Variants in ZDHHC17 observed in about 807,000 individuals in gnomAD.
The protein encoded by ZDHHC17 is palmitoyltransferase ZDHHC17.
A neutral mutation model predicts 90.3 loss-of-function variants in ZDHHC17; 40 were observed. That is an observed-to-expected ratio of 0.44 (90% confidence interval 0.34 to 0.58). The LOEUF (loss-of-function observed/expected upper bound fraction) is 0.58, where lower values mean the gene tolerates loss of function less well. Among genes scored for constraint, ZDHHC17 ranks in the 20% least tolerant of loss-of-function variants. The pLI, the probability that ZDHHC17 is intolerant of heterozygous loss-of-function variation, is 0.01. For synonymous variants in ZDHHC17, 235 were observed against 252.4 expected (o/e 0.93, Z 0.65); for missense variants, 614 against 780.8 (o/e 0.79, Z 2.55).
At chr12:76,839,549 A>G (rs1953406986) in intron 10 of ZDHHC17, among the ~76,000 whole-genome samples, 1 of 152,226 alleles carries the variant, frequency 6.6e-6, no homozygotes, top group Admixed American at 6.5e-5. Context: ...GTTTAAAAAT[A>G]AAATGAGAGC....
Position 76,809,752 on chromosome 12 carries a change from T to C in ZDHHC17, c.438T>C (p.Tyr146=), listed in dbSNP as rs376206630. ...HLSMVVQLMK[Y]GADPSLIDGE... The stretch of plus-strand genomic sequence containing the variant: ...CCATGGTTGTGCAACTAATGAAATA[T>C]GGTGCAGATCCTTCATTAATTGATG... The change falls in exon 5 of 17, where the codon TAT becomes TAC. Residue 146 remains tyrosine (Y), a synonymous_variant. Transcript: ENST00000426126. 109 of 1,587,008 alleles carry C rather than the reference T, an allele frequency of 6.9e-5. No homozygotes were observed. Among genetic ancestry groups the C allele is most frequent in the Non-Finnish European group, 9.0e-5 (105 of 1,168,636 alleles).
chr12:76,803,710 G>A (rs1038107221), intron 2 of ZDHHC17, among the ~76,000 whole-genome samples: 2 of 152,096 alleles, frequency 1.3e-5, no homozygotes, highest in Non-Finnish European at 2.9e-5. Context: ...TTTTAATCCC[G>A]TTATATATAT....
intron 7 of ZDHHC17, among the ~76,000 whole-genome samples, chr12:76,817,541 G>T (rs1430881927): frequency 6.6e-6 from 1 of 152,058 alleles, no homozygotes; most frequent in Admixed American, 6.5e-5. Context: ...ACAGTAAGAT[G>T]ACTACACAGT....
intron 3 of ZDHHC17, among the ~76,000 whole-genome samples, chr12:76,808,183 G>A (rs1177915820): frequency 8.5e-5 from 13 of 152,142 alleles, no homozygotes; most frequent in Non-Finnish European, 1.5e-5. Context: ...TACTGATCTA[G>A]AGCAGTAATC....
intron 7 of ZDHHC17, among the ~76,000 whole-genome samples, 163 bp from the exon 8 acceptor site, chr12:76,822,243 G>A (rs369175619): frequency 3.9e-5 from 6 of 152,116 alleles, no homozygotes; most frequent in Non-Finnish European, 7.4e-5. Flanking sequence ...TTGGGAAAGC[G>A]TAATAAGAAA....
At position 76,823,356 on chromosome 12, in the gene ZDHHC17, A is replaced by G. The variant is rs574226938; in HGVS notation, c.897+825A>G. 1.3e-3 allele frequency among the ~76,000 whole-genome samples: 205 copies of G among 152,174 alleles called. 3 individuals carry two copies. The highest frequency in any genetic ancestry group is 2.7e-3 in the Non-Finnish European group (182 of 68,028). On this transcript the variant is annotated intron_variant, in intron 8 of 16. Coordinates refer to ENST00000426126, the MANE Select transcript of ZDHHC17 (RefSeq NM_015336.4). ...CCTTTCTATGGAAAACTCATTTTAG[A>G]TCATCCATATACCTTCAGTTTTAAA...
At chr12:76,784,976 C>G (rs1432154814) in intron 1 of ZDHHC17, among the ~76,000 whole-genome samples, 1 of 152,152 alleles carries the variant, frequency 6.6e-6, no homozygotes, top group African/African-American at 2.4e-5. Flanking sequence ...GAAGGCTAGC[C>G]AAAGCTTTAG....
At chr12:76,778,060 A>G (rs1952579196) in intron 1 of ZDHHC17, among the ~76,000 whole-genome samples, 1 of 152,186 alleles carries the variant, frequency 6.6e-6, no homozygotes, top group African/African-American at 2.4e-5. Flanking sequence ...AGTTTAAAGC[A>G]AACACTCCTG....
At position 76,815,151 on chromosome 12, in the gene ZDHHC17, A is replaced by T. The variant is rs1240177430; in HGVS notation, c.549A>T (p.Val183=). 1.3e-6 allele frequency: 2 copies of T among 1,560,242 alleles called. No individual in the cohort carries two copies. Among genetic ancestry groups the T allele is most frequent in the East Asian group, 4.7e-5 (2 of 42,762 alleles). ...VAYLIAKGQD[V]DMMDQNGMTP... ...TTTTCTTTTTACTTTATCAGGATGT[A>T]GATATGATGGATCAGAATGGAATGA... Residue 183 remains valine, a synonymous_variant, in exon 6 of 17, where the codon GTA becomes GTT. Transcript: ENST00000426126.
Position 76,805,320 on chromosome 12 carries a change from T to C in ZDHHC17, c.201T>C (p.Tyr67=), listed in dbSNP as rs1376167712. Reference sequence around the variant, plus strand: ...CCATATTTTCTTTCTTTTCTAGATATGGAATATATGAACGCTGTCGAGAAT... The same window carrying C: ...CCATATTTTCTTTCTTTTCTAGATACGGAATATATGAACGCTGTCGAGAAT... ...STWDIVKATQ[Y]GIYERCRELV... is the part of the protein sequence containing the mutation. Residue 67 remains tyrosine (Y), a synonymous_variant, in exon 3 of 17, where the codon TAT becomes TAC. Transcript: ENST00000426126. 8 of 1,595,064 alleles carry C rather than the reference T, an allele frequency of 5.0e-6. No individual in the cohort carries two copies. The highest frequency in any genetic ancestry group is 1.3e-5 in the African/African-American group (1 of 74,506).
chr12:76,805,187 A>G lies in ZDHHC17; in HGVS notation c.198-130A>G. On this transcript the variant is annotated intron_variant, in intron 2 of 16. Transcript: ENST00000426126. ...GGAATGTTGACATTTTAAAAGTAAT[A>G]TTCTATGTTGAGAAATACATTTTAA... The G allele has an allele frequency of 8.9e-6, 8 of 901,666 alleles. No homozygotes were observed. The South Asian group carries it at 1.4e-4, about 16-fold the overall frequency. 55.9% of individuals were successfully genotyped at this position (901,666 alleles called of 1,614,324 possible).
intron 8 of ZDHHC17, among the ~76,000 whole-genome samples, chr12:76,822,779 A>G (rs1953181512): frequency 6.6e-6 from 1 of 151,822 alleles, no homozygotes; most frequent in South Asian, 2.1e-4. Flanking sequence ...TGGTGACTTC[A>G]GATGACTTCA....
rs374940521 is a variant in ZDHHC17 at position 76,798,053 on chromosome 12, G to T, written c.197+516G>T. Among the ~76,000 whole-genome samples the T allele has an allele frequency of 5.6e-4, 85 of 152,068 alleles. 2 individuals carry two copies. The South Asian group carries it at 0.017, about 31-fold the overall frequency. On this transcript the variant is annotated intron_variant, in intron 2 of 16. Transcript: ENST00000426126. ...TTGGTACTTGCTGATCTTTCCAGAA[G>T]TATACTATTAGGCCCTGAGAATATT... is the stretch of plus-strand genomic sequence containing the variant.
At chr12:76,791,748 A>C (rs1411571642) in intron 1 of ZDHHC17, among the ~76,000 whole-genome samples, 4 of 152,314 alleles carry the variant, frequency 2.6e-5, no homozygotes, top group African/African-American at 9.6e-5. Flanking sequence ...GATGCCAGTC[A>C]CAAATCAGGC....
intron 1 of ZDHHC17, among the ~76,000 whole-genome samples, chr12:76,784,496 G>A (rs1326902365): frequency 6.6e-6 from 1 of 152,182 alleles, no homozygotes; most frequent in African/African-American, 2.4e-5. Context: ...GATGTTGAAG[G>A]TGAAGCTGGT....
chr12:76,852,286 T>C lies in ZDHHC17; in HGVS notation c.*1301T>C, dbSNP rs773049984. On this transcript the variant is annotated 3_prime_UTR_variant, in exon 17 of 17. Transcript: ENST00000426126. ...GTTCGAGCAACCTGTGGGAAATCTG[T>C]GAGAGGGAATGGGGTGGGAGATGTG... is the stretch of plus-strand genomic sequence containing the variant. 4 of 152,598 alleles carry C rather than the reference T, an allele frequency of 2.6e-5. No homozygotes were observed. Among genetic ancestry groups the C allele is most frequent in the Admixed American group, 2.0e-4 (3 of 15,270 alleles). 9.5% of individuals were successfully genotyped at this position (152,598 alleles called of 1,614,324 possible).
In ZDHHC17 at chr12:76,822,542, A is replaced by C; in HGVS notation, c.897+11A>C. On this transcript the variant is annotated intron_variant, in intron 8 of 16. Coordinates refer to ENST00000426126, the MANE Select transcript of ZDHHC17 (RefSeq NM_015336.4). ...CTGAAAGCTGATAAGGTAAACTCAT[A>C]ACTGAAGATTTTTTTTTTTTTTTTT... The C allele has an allele frequency of 6.6e-7, 1 of 1,515,472 alleles. No individual in the cohort carries two copies. The highest frequency in any genetic ancestry group is 8.9e-7 in the Non-Finnish European group (1 of 1,124,788). The allele number at this position is 1,515,472 out of a possible 1,614,324, so 93.9% of individuals were successfully genotyped here.
rs534030849 is a variant in ZDHHC17, at chr12:76,785,902, G to A, written c.94-11532G>A. On this transcript the variant is annotated intron_variant, in intron 1 of 16. Transcript: ENST00000426126. Reference sequence around the variant, plus strand: ...TCATGAAGGATTTTGTATGATTGCCGAAATGTCCTCTCTTTACCCTTATAT... The same window carrying A: ...TCATGAAGGATTTTGTATGATTGCCAAAATGTCCTCTCTTTACCCTTATAT... Among the ~76,000 whole-genome samples, 12 of 152,244 alleles carry A rather than the reference G, an allele frequency of 7.9e-5. No individual in the cohort carries two copies. In the South Asian group the frequency reaches 2.3e-3, roughly 29 times the overall value.
At chr12:76,774,517 T>C (rs1952536412) in intron 1 of ZDHHC17, among the ~76,000 whole-genome samples, 2 of 152,210 alleles carry the variant, frequency 1.3e-5, no homozygotes, top group South Asian at 4.1e-4. Flanking sequence ...TTAAACATTT[T>C]TGAAGAGTCC....
Sources: allele counts gnomAD v4.1 joint callset (sites outside exome capture counted in the v4.1 genomes callset), GRCh38; gene constraint gnomAD v4.1.1; transcripts MANE v1.5; gene names NCBI Gene and HGNC (gene_info 2026-07-23, HGNC 2026-07-21).